PHF1: variants seen among roughly 807,000 people sequenced by gnomAD.
PHF1 encodes polycomb-like 1.
A neutral mutation model predicts 69.4 loss-of-function variants in PHF1; 16 were observed. That is an observed-to-expected ratio of 0.23 (90% CI 0.16 to 0.35). PHF1 has a LOEUF of 0.35. Ranked by LOEUF, PHF1 falls within the 10% of genes least tolerant of loss-of-function variation. The pLI is 1.00. For synonymous variants in PHF1, 274 were observed against 275.0 expected (o/e 1.00, Z 0.04); for missense variants, 515 against 732.8 (o/e 0.70, Z 3.43).
Position 33,412,868 on chromosome 6 carries a change from CT to C in PHF1, c.337+77del. On this transcript the variant is annotated intron_variant, in intron 4 of 14. Transcript: ENST00000374516. This position sits in a 1 kb window ranked among gnomAD's most constrained non-coding sequence, Gnocchi z 4.2. ...TGGTCTCTATATCACCTGTCCTGGC[CT>C]TAGTCCCCAAGCCACTGCTCTGGCC... 1 of 1,244,786 alleles carries C rather than the reference CT, an allele frequency of 8.0e-7. No individual in the cohort carries two copies. Among genetic ancestry groups the C allele is most frequent in the Non-Finnish European group, 1.2e-6 (1 of 847,818 alleles). 77.1% of individuals were successfully genotyped at this position (1,244,786 alleles called of 1,614,324 possible). A position where few individuals can be genotyped will look rare whatever the true frequency, so the allele number is the denominator to read the frequency against.
Position 33,416,184 on chromosome 6 carries a change from C to A in PHF1, c.*86C>A. On this transcript the variant is annotated 3_prime_UTR_variant, in exon 15 of 15. Transcript: ENST00000374516. ...TGACCTCACCTACAGCTGGGATGTA[C>A]CTGGAGAGATAGGGGGTAGTTCTCC... 1 of 1,224,310 alleles carries A rather than the reference C, an allele frequency of 8.2e-7. No homozygotes were observed. Among genetic ancestry groups the A allele is most frequent in the Non-Finnish European group, 1.1e-6 (1 of 897,450 alleles). 75.8% of individuals were successfully genotyped at this position (1,224,310 alleles called of 1,614,324 possible). A position where few individuals can be genotyped will look rare whatever the true frequency, so the allele number is the denominator to read the frequency against.
In PHF1 at chr6:33,412,344, C is replaced by T. The variant is rs149582323; in HGVS notation, c.81C>T (p.Pro27=). 540 of 1,614,104 alleles carry T rather than the reference C, an allele frequency of 3.3e-4. 1 individual carries two copies. Among genetic ancestry groups the T allele is most frequent in the Non-Finnish European group, 4.3e-4 (504 of 1,180,040 alleles). ...DPASPAPTSG[P]RPRLWEGQDV... ...CTTCTCCTGCTCCCACCTCTGGCCC[C>T]AGGCCTCGGCTTTGGGAGGGTCAAG... The change falls in exon 2 of 15, where the codon CCC becomes CCT. Residue 27 remains proline, a synonymous_variant. Transcript: ENST00000374516. This position sits in a 1 kb window ranked among gnomAD's most constrained non-coding sequence, Gnocchi z 4.2.
In PHF1 at chr6:33,416,181, G is replaced by A. The variant is rs966777600; in HGVS notation, c.*83G>A. ...CTCTGACCTCACCTACAGCTGGGAT[G>A]TACCTGGAGAGATAGGGGGTAGTTC... On this transcript the variant is annotated 3_prime_UTR_variant, in exon 15 of 15. Coordinates refer to ENST00000374516, the MANE Select transcript of PHF1 (RefSeq NM_024165.3). 2.4e-5 allele frequency: 30 copies of A among 1,247,988 alleles called. No individual in the cohort carries two copies. In the Admixed American group the frequency reaches 6.5e-4, roughly 27 times the overall value. 77.3% of individuals were successfully genotyped at this position (1,247,988 alleles called of 1,614,324 possible).
In PHF1 at chr6:33,415,334, GTGCTCCTC is replaced by G; in HGVS notation, c.1334+9_1334+16del. The G allele has an allele frequency of 1.2e-6, 2 of 1,605,432 alleles. No individual in the cohort carries two copies. The highest frequency in any genetic ancestry group is 1.7e-6 in the Non-Finnish European group (2 of 1,173,548). The stretch of plus-strand genomic sequence containing the variant: ...AGATGCCCGCTGCCTGCCCAGGTCA[GTGCTCCTC>G]TGCCCCTCCCCCACAAAATATGCTC... On this transcript the variant is annotated splice_donor_region_variant and intron_variant, in intron 13 of 14. Transcript: ENST00000374516.
rs775934235 is a variant in PHF1, at chr6:33,412,225, C to T, written c.-16-23C>T. 4 of 1,528,776 alleles carry T rather than the reference C, an allele frequency of 2.6e-6. No individual in the cohort carries two copies. The highest frequency in any genetic ancestry group is 3.6e-6 in the Non-Finnish European group (4 of 1,110,308). 94.7% of individuals were successfully genotyped at this position (1,528,776 alleles called of 1,614,324 possible). A position where few individuals can be genotyped will look rare whatever the true frequency, so the allele number is the denominator to read the frequency against. On this transcript the variant is annotated intron_variant, in intron 1 of 14. Transcript: ENST00000374516. The surrounding 1 kb of genome is among the most constrained non-coding windows in gnomAD (Gnocchi z 4.2). The stretch of plus-strand genomic sequence containing the variant: ...GTTTCTCAGCATTCATAACCTTCTC[C>T]TCCCCATTTCTTTTCTGGCTAGGCC...
In PHF1 at chr6:33,412,441, G is replaced by A. The variant is rs187200502; in HGVS notation, c.159+19G>A. ...CAAAAAGGTAAGACCTTCTACCTCT[G>A]ACCTTCTTCCTAGTTCCCTTATCTA... On this transcript the variant is annotated intron_variant, in intron 2 of 14. Transcript: ENST00000374516. The surrounding 1 kb of genome is among the most constrained non-coding windows in gnomAD (Gnocchi z 4.2). 1.2e-6 allele frequency: 2 copies of A among 1,614,206 alleles called. No individual in the cohort carries two copies. The highest frequency in any genetic ancestry group is 2.2e-5 in the East Asian group (1 of 44,882).
chr6:33,410,775 C>T (rs1159828945), upstream of PHF1: 1 of 152,030 alleles, frequency 6.6e-6, no homozygotes, highest in African/African-American at 2.4e-5. Context: ...AAGGGCGAAT[C>T]TCAGGTCGGA....
Position 33,413,762 on chromosome 6 carries a change from G to A in PHF1, c.614G>A (p.Arg205Gln), listed in dbSNP as rs1025779493. The A allele has an allele frequency of 8.7e-6, 14 of 1,613,820 alleles. No homozygotes were observed. The highest frequency in any genetic ancestry group is 4.5e-5 in the East Asian group (2 of 44,872). Residue 205 changes from arginine (R) to glutamine (Q), a missense_variant, in exon 7 of 15, where the codon CGG (arginine) becomes CAG (glutamine). Physicochemically the swap from Arg to Gln is conservative, Grantham distance 43 (BLOSUM62 1). This residue lies in a region of PHF1 where 142 missense variants were observed against 309.7 expected (regional missense o/e 0.46). Coordinates refer to ENST00000374516, the MANE Select transcript of PHF1 (RefSeq NM_024165.3). ...TGGAACCTGAAAATGCTGCAGTGCC[G>A]GAGCTGCCTGCAGTGGTTCCATGAG... ...GEWNLKMLQC[R>Q]SCLQWFHEAC...
chr6:33,412,499 C>G lies in PHF1; in HGVS notation c.160-9C>G. ...TTCCCATTTCATCCTGTTTGCTCAC[C>G]CATTCCAGGTGGACAGTGCTAGGGA... On this transcript the variant is annotated splice_polypyrimidine_tract_variant and intron_variant, in intron 2 of 14. Transcript: ENST00000374516. This position sits in a 1 kb window ranked among gnomAD's most constrained non-coding sequence, Gnocchi z 4.2. The G allele has an allele frequency of 3.1e-6, 5 of 1,614,222 alleles. No homozygotes were observed. The highest frequency in any genetic ancestry group is 4.2e-6 in the Non-Finnish European group (5 of 1,180,026).
chr6:33,412,881 C>A lies in PHF1; in HGVS notation c.337+88C>A. ...ACCTGTCCTGGCCTTAGTCCCCAAG[C>A]CACTGCTCTGGCCAGGCTGCTTAGC... On this transcript the variant is annotated intron_variant, in intron 4 of 14. Coordinates refer to ENST00000374516, the MANE Select transcript of PHF1 (RefSeq NM_024165.3). The surrounding 1 kb of genome is among the most constrained non-coding windows in gnomAD (Gnocchi z 4.2). 1.8e-6 allele frequency: 2 copies of A among 1,117,532 alleles called. No homozygotes were observed. The highest frequency in any genetic ancestry group is 2.7e-6 in the Non-Finnish European group (2 of 734,580). The allele number at this position is 1,117,532 out of a possible 1,614,324, so 69.2% of individuals were successfully genotyped here.
chr6:33,413,867 G>A (rs1776251440), intron 7 of PHF1, 36 bp downstream of exon 7: 1 of 1,586,694 alleles, frequency 6.3e-7, no homozygotes, highest in Non-Finnish European at 8.6e-7. Flanking sequence ...AGCCAAGGAT[G>A]CCCTCTTTCT....
chr6:33,416,182 T>G lies in PHF1; in HGVS notation c.*84T>G. 1 of 1,236,450 alleles carries G rather than the reference T, an allele frequency of 8.1e-7. No individual in the cohort carries two copies. The allele number at this position is 1,236,450 out of a possible 1,614,324, so 76.6% of individuals were successfully genotyped here. ...TCTGACCTCACCTACAGCTGGGATGTACCTGGAGAGATAGGGGGTAGTTCT... is the reference window on the plus strand; with the variant it reads ...TCTGACCTCACCTACAGCTGGGATGGACCTGGAGAGATAGGGGGTAGTTCT... On this transcript the variant is annotated 3_prime_UTR_variant, in exon 15 of 15. Coordinates refer to ENST00000374516, the MANE Select transcript of PHF1 (RefSeq NM_024165.3).
At position 33,414,604 on chromosome 6, in the gene PHF1, C is replaced by A; in HGVS notation, c.944+60C>A. On this transcript the variant is annotated intron_variant, in intron 10 of 14. Transcript: ENST00000374516. The surrounding 1 kb of genome is among the most constrained non-coding windows in gnomAD (Gnocchi z 5.0). ...TCGGAAAGAGATGGAGAGTGGAAGC[C>A]TGGAAGGGGAGGGGCTTGCAACCCA... 6.3e-7 allele frequency: 1 copy of A among 1,590,244 alleles called. No homozygotes were observed. Among genetic ancestry groups the A allele is most frequent in the Non-Finnish European group, 8.6e-7 (1 of 1,159,686 alleles).
chr6:33,412,172 A>T lies in PHF1; in HGVS notation c.-16-76A>T. ...GCAAAACTCCATCTCAGGAAAAAAA[A>T]AAAAAAAAGAAAAAGAAAATGGGGA... is the stretch of plus-strand genomic sequence containing the variant. On this transcript the variant is annotated intron_variant, in intron 1 of 14. Coordinates refer to ENST00000374516, the MANE Select transcript of PHF1 (RefSeq NM_024165.3). This position sits in a 1 kb window ranked among gnomAD's most constrained non-coding sequence, Gnocchi z 4.2. 1 of 1,157,290 alleles carries T rather than the reference A, an allele frequency of 8.6e-7. No individual in the cohort carries two copies. Among genetic ancestry groups the T allele is most frequent in the East Asian group, 2.5e-5 (1 of 39,750 alleles). 71.7% of individuals were successfully genotyped at this position (1,157,290 alleles called of 1,614,324 possible).
In PHF1 at chr6:33,415,143, A is replaced by G; in HGVS notation, c.1238A>G (p.Gln413Arg). 1.2e-6 allele frequency: 2 copies of G among 1,613,702 alleles called. No individual in the cohort carries two copies. The highest frequency in any genetic ancestry group is 2.2e-5 in the South Asian group (2 of 91,086). ...CGGGCTCATCTGCAGAGGGCACTGC[A>G]GGTACTGGAGCAGGGGGAACCCGAT... ...RERAHLQRAL[Q>R]ASVSPPSPSP... is the part of the protein sequence containing the mutation. Residue 413 changes from glutamine to arginine, a missense_variant and splice_region_variant, in exon 12 of 15, where the codon CAG becomes CGG. This residue lies in a region of PHF1 where 274 missense variants were observed against 304.5 expected (regional missense o/e 0.90). Transcript: ENST00000374516.
Position 33,415,804 on chromosome 6 carries a change from C to T in PHF1, c.1416-6C>T. 2.5e-6 allele frequency: 4 copies of T among 1,596,400 alleles called. No individual in the cohort carries two copies. The highest frequency in any genetic ancestry group is 2.2e-5 in the East Asian group (1 of 44,578). On this transcript the variant is annotated splice_polypyrimidine_tract_variant and splice_region_variant and intron_variant, in intron 14 of 14. Transcript: ENST00000374516. ...CCCATTTCTTACAATTGCCTTCTCTCCCTAGGTCACCCCTGGAACTTCACA... is the reference window on the plus strand; with the variant it reads ...CCCATTTCTTACAATTGCCTTCTCTTCCTAGGTCACCCCTGGAACTTCACA...
At chr6:33,413,872 CT>C in intron 7 of PHF1, 41 bp downstream of exon 7, 1 of 1,581,676 alleles carries the variant, frequency 6.3e-7, no homozygotes, top group East Asian at 2.2e-5. Flanking sequence ...AGGATGCCCT[CT>C]TTCTTCGTGT....
In PHF1 at chr6:33,415,343, T is replaced by TGCCCCTCC. The variant is rs1776382789; in HGVS notation, c.1334+15_1334+22dup. 3 of 1,589,776 alleles carry TGCCCCTCC rather than the reference T, an allele frequency of 1.9e-6. No individual in the cohort carries two copies. In the African/African-American group the frequency reaches 4.0e-5, roughly 21 times the overall value. On this transcript the variant is annotated intron_variant, in intron 13 of 14. Transcript: ENST00000374516. ...CTGCCTGCCCAGGTCAGTGCTCCTC[T>TGCCCCTCC]GCCCCTCCCCCACAAAATATGCTCC...
chr6:33,412,217 A>T lies in PHF1; in HGVS notation c.-16-31A>T. The stretch of plus-strand genomic sequence containing the variant: ...TGGGGAAGGTTTCTCAGCATTCATA[A>T]CCTTCTCCTCCCCATTTCTTTTCTG... On this transcript the variant is annotated intron_variant, in intron 1 of 14. Transcript: ENST00000374516. The surrounding 1 kb of genome is among the most constrained non-coding windows in gnomAD (Gnocchi z 4.2). 6.7e-7 allele frequency: 1 copy of T among 1,485,842 alleles called. No individual in the cohort carries two copies. The highest frequency in any genetic ancestry group is 9.3e-7 in the Non-Finnish European group (1 of 1,077,110). The allele number at this position is 1,485,842 out of a possible 1,614,324, so 92.0% of individuals were successfully genotyped here.
Sources: allele counts gnomAD v4.1 joint callset, GRCh38; gene constraint gnomAD v4.1.1; regional missense constraint gnomAD v4.1.1; non-coding constraint Gnocchi (gnomAD v3.1); transcripts MANE v1.5; gene names NCBI Gene and HGNC (gene_info 2026-07-23, HGNC 2026-07-21).